The following LHX4 variants were observed in gnomAD, a reference collection of about 807,000 sequenced individuals.
LHX4 encodes the protein LIM homeobox 4.
Under a neutral mutation model 39.2 loss-of-function variants are expected in LHX4, and 16 were observed. The observed-to-expected ratio is 0.41, with a 90% CI of 0.28 to 0.62. LHX4 has a LOEUF of 0.62. Ranked by LOEUF, LHX4 falls within the 20% of genes least tolerant of loss-of-function variation. LHX4 has a pLI of 0.33. For missense variants in LHX4, 439 were observed against 511.9 expected, an observed-to-expected ratio of 0.86 and a Z score of 1.37; for synonymous variants, 206 against 198.1, an observed-to-expected ratio of 1.04 and a Z score of -0.33.
chr1:180,237,335 T>G (rs1348800187), intron 1 of LHX4, among the ~76,000 whole-genome samples: 1 of 152,198 alleles, frequency 6.6e-6, no homozygotes, highest in Non-Finnish European at 1.5e-5. Context: ...GAAGCCGCCC[T>G]GGAGCTGGGC....
intron 5 of LHX4, 93 bp from the exon 6 acceptor site, chr1:180,274,092 C>T: frequency 5.9e-6 from 9 of 1,522,040 alleles, no homozygotes; most frequent in East Asian, 2.2e-5. Flanking sequence ...CCTTGGGCAT[C>T]TTTCCTGGTC....
At chr1:180,272,331 C>T (rs890553496) in intron 5 of LHX4, among the ~76,000 whole-genome samples, 5 of 152,200 alleles carry the variant, frequency 3.3e-5, no homozygotes, top group African/African-American at 1.2e-4. Context: ...GGGTTCCAGC[C>T]TTGTGCCCCT....
At position 180,244,446 on chromosome 1, in the gene LHX4, G is replaced by T. The variant is rs549608047; in HGVS notation, c.77-3839G>T. Among the ~76,000 whole-genome samples, 5 of 152,168 alleles carry T rather than the reference G, an allele frequency of 3.3e-5. No individual in the cohort carries two copies. In the East Asian group the frequency reaches 9.7e-4, roughly 29 times the overall value. On this transcript the variant is annotated intron_variant, in intron 1 of 5. Coordinates refer to ENST00000263726, the MANE Select transcript of LHX4 (RefSeq NM_033343.4). ...AACGACTTGTCTGTCTGCTTTTAGT[G>T]TTGTTCCTCAATGTGATGCTGTCTC...
chr1:180,230,543 C>A lies in LHX4; in HGVS notation c.14C>A (p.Ala5Glu). ...TTTCGCTCCGAGATGATGCAGAGTG[C>A]GACTGTCCCCGCGGAAGGGGCTGTC... is the stretch of plus-strand genomic sequence containing the variant. MMQS[A>E]TVPAEGAVKG... The change falls in exon 1 of 6, where the codon GCG becomes GAG. Residue 5 changes from alanine (A) to glutamate (E), a missense_variant. Transcript: ENST00000263726. This position sits in a 1 kb window ranked among gnomAD's most constrained non-coding sequence, Gnocchi z 5.8. The A allele has an allele frequency of 6.2e-7, 1 of 1,613,724 alleles. No homozygotes were observed. Among genetic ancestry groups the A allele is most frequent in the Middle Eastern group, 1.7e-4 (1 of 6,060 alleles).
At chr1:180,229,984 T>A (rs1664133636), upstream of LHX4, among the ~76,000 whole-genome samples, 1 of 84,872 alleles carries the variant, frequency 1.2e-5, no homozygotes, top group Non-Finnish European at 2.3e-5. Flanking sequence ...GGTGCCGGCT[T>A]GCGAGGCCCC....
chr1:180,239,065 C>T (rs971277656), intron 1 of LHX4, among the ~76,000 whole-genome samples: 1 of 152,126 alleles, frequency 6.6e-6, no homozygotes, highest in African/African-American at 2.4e-5. Context: ...AGTAATAGAC[C>T]TCTTAGTTAA....
chr1:180,258,930 A>G (rs1236769132), intron 2 of LHX4, among the ~76,000 whole-genome samples: 1 of 152,126 alleles, frequency 6.6e-6, no homozygotes, highest in African/African-American at 2.4e-5. Context: ...CTGTGGGAAG[A>G]ATGAAGTTAC....
chr1:180,269,371 C>T (rs748929704), intron 3 of LHX4, among the ~76,000 whole-genome samples: 5 of 152,112 alleles, frequency 3.3e-5, no homozygotes, highest in South Asian at 2.1e-4. Flanking sequence ...TTTTTCAGCA[C>T]GAGCACTGCC....
At chr1:180,251,230 G>T (rs1037130981) in intron 2 of LHX4, among the ~76,000 whole-genome samples, 13 of 152,178 alleles carry the variant, frequency 8.5e-5, no homozygotes, top group Admixed American at 8.5e-4. Flanking sequence ...GTCCTAGCCC[G>T]CTGCTTTCCT....
chr1:180,265,943 G>T (rs16855636), intron 2 of LHX4, among the ~76,000 whole-genome samples: 1,968 of 152,290 alleles, frequency 0.013, 38 homozygotes, highest in African/African-American at 0.044. Context: ...GTGTGAAAAG[G>T]TGTTGCTGGG....
At chr1:180,243,957 C>T (rs1244205652) in intron 1 of LHX4, among the ~76,000 whole-genome samples, 1 of 152,182 alleles carries the variant, frequency 6.6e-6, no homozygotes, top group Non-Finnish European at 1.5e-5. Context: ...TTGGGTTAGT[C>T]CATCTTCAGG....
chr1:180,252,096 C>A (rs752196839), intron 2 of LHX4, among the ~76,000 whole-genome samples: 7 of 152,218 alleles, frequency 4.6e-5, no homozygotes, highest in Admixed American at 2.0e-4. Context: ...AGTGGTCCCA[C>A]CTCCCATCCC....
At chr1:180,233,909 G>A (rs1664240172) in intron 1 of LHX4, among the ~76,000 whole-genome samples, 1 of 151,806 alleles carries the variant, frequency 6.6e-6, no homozygotes, top group African/African-American at 2.4e-5. Context: ...GTTTGGTAGG[G>A]TCGGGGTAAA....
intron 1 of LHX4, among the ~76,000 whole-genome samples, chr1:180,237,649 C>T (rs961946809): frequency 1.3e-5 from 2 of 152,134 alleles, no homozygotes; most frequent in Admixed American, 6.5e-5. Flanking sequence ...ATCTCCCCAC[C>T]CTGTTCCCTC....
At chr1:180,237,936 C>T (rs355632) in intron 1 of LHX4, among the ~76,000 whole-genome samples, 73,066 of 152,094 alleles carry the variant, frequency 0.48, 18,808 homozygotes, top group African/African-American at 0.67. Context: ...TGGAAATAGA[C>T]GTGTCTACAA....
chr1:180,262,577 G>A (rs190386125), intron 2 of LHX4, among the ~76,000 whole-genome samples: 31 of 151,678 alleles, frequency 2.0e-4, no homozygotes, highest in Non-Finnish European at 1.3e-4. Flanking sequence ...TTGGTGGGAA[G>A]AGGGATTGTC....
Position 180,248,376 on chromosome 1 carries a change from G to T in LHX4, c.168G>T (p.Lys56Asn). 6.2e-7 allele frequency: 1 copy of T among 1,614,264 alleles called. No individual in the cohort carries two copies. The highest frequency in any genetic ancestry group is 8.5e-7 in the Non-Finnish European group (1 of 1,180,040). Residue 56 changes from lysine (K) to asparagine (N), a missense_variant, in exon 2 of 6, where the codon AAG becomes AAT. Lys to Asn is a moderately conservative substitution (Grantham distance 94, BLOSUM62 0). Transcript: ENST00000263726. ...LDRHWHSSCL[K>N]CADCQMQLAD... ...GACACTGGCACAGCTCCTGCCTCAA[G>T]TGTGCAGACTGCCAGATGCAGCTGG...
rs1341526236 is a variant in LHX4, at chr1:180,249,932, T to G, written c.248+1476T>G. 4.0e-5 allele frequency among the ~76,000 whole-genome samples: 6 copies of G among 151,792 alleles called. No homozygotes were observed. In the East Asian group the frequency reaches 9.7e-4, roughly 25 times the overall value. ...GTGACAGTGTGTGTGAGAGTGTGTG[T>G]GGGTGAGTGTTGTGTGAGTGTGAGA... On this transcript the variant is annotated intron_variant, in intron 2 of 5. Coordinates refer to ENST00000263726, the MANE Select transcript of LHX4 (RefSeq NM_033343.4).
intron 2 of LHX4, among the ~76,000 whole-genome samples, chr1:180,263,047 C>A (rs2149262057): frequency 6.6e-6 from 1 of 152,292 alleles, no homozygotes; most frequent in African/African-American, 2.4e-5. Context: ...GAGGCCAGTG[C>A]CCTTGGTGCC....
Sources: gnomAD v4.1 joint callset for allele counts (sites outside exome capture counted in the v4.1 genomes callset) on GRCh38, gnomAD v4.1.1 for gene constraint, Gnocchi (gnomAD v3.1) non-coding constraint, MANE v1.5 for transcripts, NCBI Gene and HGNC (gene_info 2026-07-23, HGNC 2026-07-21) for gene names.